The following ASTN2 variants were observed in gnomAD, a reference collection of about 807,000 sequenced individuals.
The protein encoded by ASTN2 is astrotactin 2.
ASTN2 carries 54 observed loss-of-function variants against 139.8 expected under a neutral mutation model. The observed-to-expected ratio is 0.39, with a 90% CI of 0.31 to 0.48. The LOEUF is 0.48. Among genes scored for constraint, ASTN2 ranks in the 20% least tolerant of loss-of-function variants. The pLI is 0.95. For synonymous variants in ASTN2, 756 were observed against 719.5 expected (o/e 1.05, Z -0.81); for missense variants, 1,565 against 1,725.1 (o/e 0.91, Z 1.64).
At chr9:116,515,460 A>C (rs1245498726) in intron 19 of ASTN2, among the ~76,000 whole-genome samples, 1 of 152,164 alleles carries the variant, frequency 6.6e-6, no homozygotes. Flanking sequence ...TGTGGCTAGA[A>C]GCCTTGCAAG....
chr9:116,614,166 G>A (rs564140788), intron 19 of ASTN2, among the ~76,000 whole-genome samples: 1 of 152,154 alleles, frequency 6.6e-6, no homozygotes, highest in African/African-American at 2.4e-5. Flanking sequence ...AACTTACAAG[G>A]GATGTGAAGG....
Position 116,640,429 on chromosome 9 carries a change from A to C in ASTN2, c.3072+11099T>G, listed in dbSNP as rs142913135. ...AAAGAGACCCAAGAAAGTAAGTGAA[A>C]AAATAAACAAGGAGGATCTTATCAA... On this transcript the variant is annotated intron_variant, in intron 17 of 22. Transcript: ENST00000313400. 8.1e-3 allele frequency among the ~76,000 whole-genome samples: 1,229 copies of C among 152,346 alleles called. 12 individuals carry two copies. The highest frequency in any genetic ancestry group is 0.024 in the African/African-American group (998 of 41,582).
chr9:116,804,102 GTA>G lies in ASTN2; in HGVS notation c.2396+1528_2396+1529del, dbSNP rs1472692907. Among the ~76,000 whole-genome samples the G allele has an allele frequency of 1.1e-4, 16 of 152,208 alleles. No individual in the cohort carries two copies. The East Asian group carries it at 2.9e-3, about 28-fold the overall frequency. ...CATCTTATGCCCAATAACCAGCATG[GTA>G]TATGAGAAAGAGGAGATTCTCAAAG... On this transcript the variant is annotated intron_variant, in intron 13 of 22. Transcript: ENST00000313400.
At chr9:117,009,955 G>A (rs1837469387) in intron 6 of ASTN2, among the ~76,000 whole-genome samples, 1 of 152,072 alleles carries the variant, frequency 6.6e-6, no homozygotes, top group African/African-American at 2.4e-5. Context: ...AATAGTAAGG[G>A]TATGATTGGC....
intron 5 of ASTN2, among the ~76,000 whole-genome samples, chr9:117,072,958 C>T (rs562980358): frequency 6.0e-5 from 9 of 151,142 alleles, no homozygotes; most frequent in East Asian, 2.0e-4. Flanking sequence ...AAAAACAAGA[C>T]GAAGAAGGAA....
intron 17 of ASTN2, among the ~76,000 whole-genome samples, chr9:116,641,355 C>T (rs1006292586): frequency 7.9e-5 from 12 of 152,118 alleles, no homozygotes; most frequent in African/African-American, 2.9e-4. Context: ...GGCTCAGGTG[C>T]TCAGGTCAAA....
chr9:116,761,487 G>A (rs1829671432), intron 13 of ASTN2, among the ~76,000 whole-genome samples: 1 of 152,152 alleles, frequency 6.6e-6, no homozygotes, highest in Admixed American at 6.5e-5. Context: ...TCCTGGAGGA[G>A]TTGGCGGACT....
intron 10 of ASTN2, among the ~76,000 whole-genome samples, chr9:116,888,656 A>G (rs985670006): frequency 2.0e-5 from 3 of 151,950 alleles, no homozygotes; most frequent in Non-Finnish European, 4.4e-5. Flanking sequence ...CTGAGTAGCT[A>G]GAATTACAGG....
intron 2 of ASTN2, among the ~76,000 whole-genome samples, chr9:117,238,223 C>T (rs889479373): frequency 3.9e-4 from 60 of 152,252 alleles, no homozygotes; most frequent in African/African-American, 1.3e-3. Flanking sequence ...TCCTGGCTCC[C>T]GGGGATTTCT....
chr9:117,105,371 A>G (rs185499554), intron 4 of ASTN2, among the ~76,000 whole-genome samples: 1 of 152,124 alleles, frequency 6.6e-6, no homozygotes, highest in African/African-American at 2.4e-5. Flanking sequence ...TAAGTGGTTG[A>G]GTCAAGAGTC....
intron 10 of ASTN2, among the ~76,000 whole-genome samples, chr9:116,870,989 T>G (rs1245534000): frequency 6.6e-6 from 1 of 152,176 alleles, no homozygotes; most frequent in Non-Finnish European, 1.5e-5. Context: ...GCAGGCACGG[T>G]GCCTCACGCC....
chr9:117,013,315 T>C (rs1837584382), intron 6 of ASTN2, among the ~76,000 whole-genome samples: 1 of 152,086 alleles, frequency 6.6e-6, no homozygotes, highest in Non-Finnish European at 1.5e-5. Context: ...CCTTGTTTTA[T>C]TTTTTGGCTT....
At chr9:116,856,056 G>A (rs1832731055) in intron 11 of ASTN2, among the ~76,000 whole-genome samples, 1 of 152,166 alleles carries the variant, frequency 6.6e-6, no homozygotes. Flanking sequence ...AAGACACCAT[G>A]GGGGCGATAT....
At chr9:116,870,151 A>C (rs1833124380) in intron 10 of ASTN2, among the ~76,000 whole-genome samples, 1 of 152,154 alleles carries the variant, frequency 6.6e-6, no homozygotes, top group Non-Finnish European at 1.5e-5. Flanking sequence ...AATAAAAAAT[A>C]CTGTATTTAC....
intron 10 of ASTN2, among the ~76,000 whole-genome samples, chr9:116,972,577 T>C (rs1588450639): frequency 6.6e-6 from 1 of 152,210 alleles, no homozygotes; most frequent in Non-Finnish European, 1.5e-5. Flanking sequence ...CAGGTTTACA[T>C]AGTGGTCATA....
chr9:117,249,285 C>A (rs115877564), intron 2 of ASTN2, among the ~76,000 whole-genome samples: 288 of 152,310 alleles, frequency 1.9e-3, no homozygotes, highest in African/African-American at 6.5e-3. Context: ...TCTTAAATCT[C>A]AAAGTCACGG....
intron 16 of ASTN2, among the ~76,000 whole-genome samples, chr9:116,716,720 G>A (rs370439831): frequency 6.6e-6 from 1 of 152,126 alleles, no homozygotes; most frequent in Admixed American, 6.5e-5. Context: ...GATTGCTAAT[G>A]CCTCTTCCCA....
chr9:116,682,034 T>C (rs1859908500), intron 16 of ASTN2, among the ~76,000 whole-genome samples: 1 of 151,662 alleles, frequency 6.6e-6, no homozygotes, highest in African/African-American at 2.4e-5. Context: ...TGGGATCTAA[T>C]TAAACTAAAG....
intron 7 of ASTN2, 143 bp downstream of exon 7, chr9:117,007,949 G>A: frequency 7.1e-6 from 6 of 846,806 alleles, no homozygotes; most frequent in South Asian, 3.0e-5. Context: ...ACATACATTA[G>A]TGTTTATTAG....
Sources: allele counts gnomAD v4.1 joint callset (sites outside exome capture counted in the v4.1 genomes callset), GRCh38; gene constraint gnomAD v4.1.1; transcripts MANE v1.5; gene names NCBI Gene and HGNC (gene_info 2026-07-23, HGNC 2026-07-21).